SMARCA4: variants seen among roughly 807,000 people sequenced by gnomAD.
SMARCA4 encodes the protein SWI/SNF related BAF chromatin remodeling complex subunit ATPase 4.
SMARCA4 carries 31 observed loss-of-function variants against 193.9 expected under a neutral mutation model. That is an observed-to-expected ratio of 0.16 (90% confidence interval 0.12 to 0.22). The LOEUF is 0.22. SMARCA4 is among the 10% of genes least tolerant of loss of function. The pLI is 1.00. For synonymous variants in SMARCA4, 942 were observed against 933.1 expected (o/e 1.01, Z -0.17); for missense variants, 1,148 against 2,296.0 (o/e 0.50, Z 10.22).
chr19:11,011,077 G>C (rs2088792815), intron 15 of SMARCA4: 2 of 209,392 alleles, frequency 9.6e-6, no homozygotes, highest in South Asian at 1.7e-4. Context: ...CTCTTCACCT[G>C]GGCCTGACTT....
At position 10,984,422 on chromosome 19, in the gene SMARCA4, G is replaced by T. The variant is rs2145729310; in HGVS notation, c.222+49G>T. 1 of 1,550,918 alleles carries T rather than the reference G, an allele frequency of 6.4e-7. No individual in the cohort carries two copies. The highest frequency in any genetic ancestry group is 1.4e-5 in the African/African-American group (1 of 73,214). ...GCACCTGCGGCCTCTGCCCACTAGG[G>T]CTGCAGGCAGCCTCTGGACCGAGGG... On this transcript the variant is annotated intron_variant, in intron 2 of 34. Coordinates refer to ENST00000344626, the MANE Select transcript of SMARCA4 (RefSeq NM_003072.5). This position sits in a 1 kb window ranked among gnomAD's most constrained non-coding sequence, Gnocchi z 4.3.
At position 10,999,047 on chromosome 19, in the gene SMARCA4, C is replaced by T. The variant is rs530342896; in HGVS notation, c.1812+2503C>T. ...CCTCCTGAGTACCTGGGGCTACAGGCGCACGCCACCATGCTTGGTTAAGTG... is the reference window on the plus strand; with the variant it reads ...CCTCCTGAGTACCTGGGGCTACAGGTGCACGCCACCATGCTTGGTTAAGTG... On this transcript the variant is annotated intron_variant, in intron 11 of 34. Transcript: ENST00000344626. Among the ~76,000 whole-genome samples, 360 of 152,030 alleles carry T rather than the reference C, an allele frequency of 2.4e-3. 2 individuals are homozygous for T. The highest frequency in any genetic ancestry group is 8.1e-3 in the African/African-American group (335 of 41,464).
At chr19:11,025,384 G>T in intron 21 of SMARCA4, 38 bp from the exon 22 acceptor site, 1 of 1,478,980 alleles carries the variant, frequency 6.8e-7, no homozygotes. Flanking sequence ...CCCCAGGAGG[G>T]CAAGACCCCA....
At chr19:11,001,976 A>G (rs1305609407) in intron 11 of SMARCA4, among the ~76,000 whole-genome samples, 1 of 152,232 alleles carries the variant, frequency 6.6e-6, no homozygotes, top group Non-Finnish European at 1.5e-5. Flanking sequence ...ACCCTTGATG[A>G]GATCTACAAA....
intron 21 of SMARCA4, 52 bp downstream of exon 21, chr19:11,024,490 C>CAGCGTGGCAGGCAGAGCAG: frequency 2.5e-6 from 3 of 1,179,112 alleles, no homozygotes; most frequent in Non-Finnish European, 3.8e-6. Context: ...CCAAGGCCGG[C>CAGCGTGGCAGGCAGAGCAG]AGCGTGGCAG....
Position 10,989,229 on chromosome 19 carries a change from C to G in SMARCA4, c.1119-88C>G. 5.8e-6 allele frequency: 9 copies of G among 1,540,906 alleles called. 1 individual carries two copies. The highest frequency in any genetic ancestry group is 1.8e-4 in the Middle Eastern group (1 of 5,532). On this transcript the variant is annotated intron_variant, in intron 6 of 34. Coordinates refer to ENST00000344626, the MANE Select transcript of SMARCA4 (RefSeq NM_003072.5). ...TGCCTCATGACTAGTGCCTGCCTCT[C>G]TCGAGGGATGGGTCCCCTGCAGCTC... is the stretch of plus-strand genomic sequence containing the variant.
intron 29 of SMARCA4, chr19:11,039,811 G>A (rs1055066044): frequency 2.6e-5 from 7 of 264,374 alleles, no homozygotes; most frequent in Non-Finnish European, 4.9e-5. Flanking sequence ...GGCTGGGCGC[G>A]GTGGCTCACG....
intron 23 of SMARCA4, among the ~76,000 whole-genome samples, chr19:11,027,538 T>C (rs2090349833): frequency 6.6e-6 from 1 of 152,138 alleles, no homozygotes; most frequent in African/African-American, 2.4e-5. Context: ...AGTGTCTGGG[T>C]TTGACGAGAA....
chr19:10,965,595 G>A (rs757896140), intron 1 of SMARCA4, among the ~76,000 whole-genome samples: 3 of 152,210 alleles, frequency 2.0e-5, no homozygotes, highest in Admixed American at 6.5e-5. Flanking sequence ...TTTTGTGGTT[G>A]CGTGAAGATG....
Position 11,009,007 on chromosome 19 carries a change from C to CTTTTTTTTTTTT in SMARCA4, c.2123+1007_2123+1018dup, listed in dbSNP as rs762148337. ...AAAAAATGTAGGTGGATAAAAGTCA[C>CTTTTTTTTTTTT]TTTTTTTTTTTTTTTTTTTTTTTTT... is the stretch of plus-strand genomic sequence containing the variant. On this transcript the variant is annotated intron_variant, in intron 14 of 34. Coordinates refer to ENST00000344626, the MANE Select transcript of SMARCA4 (RefSeq NM_003072.5). Among the ~76,000 whole-genome samples the CTTTTTTTTTTTT allele has an allele frequency of 1.5e-3, 61 of 40,958 alleles. 8 individuals are homozygous for CTTTTTTTTTTTT. The highest frequency in any genetic ancestry group is 1.8e-3 in the East Asian group (2 of 1,098). 26.9% of individuals were successfully genotyped at this position (40,958 alleles called of 152,430 possible).
intron 8 of SMARCA4, among the ~76,000 whole-genome samples, chr19:10,994,399 C>G (rs1438450790): frequency 6.7e-6 from 1 of 149,468 alleles, no homozygotes; most frequent in Non-Finnish European, 1.5e-5. Context: ...TCTCGGCTCA[C>G]TGCAAGCTCC....
chr19:10,999,167 A>G (rs1481033753), intron 11 of SMARCA4, among the ~76,000 whole-genome samples: 1 of 151,910 alleles, frequency 6.6e-6, no homozygotes, highest in Non-Finnish European at 1.5e-5. Context: ...TGGCCTCCCA[A>G]AGTGCTAGGA....
chr19:11,043,229 C>G (rs749200602), intron 30 of SMARCA4, among the ~76,000 whole-genome samples: 4 of 152,084 alleles, frequency 2.6e-5, no homozygotes, highest in Non-Finnish European at 4.4e-5. Context: ...GCGGAGGTTG[C>G]AGTGACCCAA....
intron 1 of SMARCA4, among the ~76,000 whole-genome samples, chr19:10,978,417 T>C (rs2085306393): frequency 6.6e-6 from 1 of 152,114 alleles, no homozygotes; most frequent in African/African-American, 2.4e-5. Context: ...CACTGCAACT[T>C]CCACCTACCG....
At chr19:10,978,780 A>T (rs547215258) in intron 1 of SMARCA4, among the ~76,000 whole-genome samples, 114 of 148,226 alleles carry the variant, frequency 7.7e-4, no homozygotes, top group East Asian at 2.4e-3. Context: ...AAATACAAAA[A>T]ATATATATAT....
At chr19:11,053,970 A>G (rs1215514439) in intron 30 of SMARCA4, among the ~76,000 whole-genome samples, 1 of 152,224 alleles carries the variant, frequency 6.6e-6, no homozygotes, top group Non-Finnish European at 1.5e-5. Context: ...GCAGTAGTGC[A>G]TCCAGCAAAG....
intron 1 of SMARCA4, among the ~76,000 whole-genome samples, chr19:10,979,885 T>C (rs1300201254): frequency 6.6e-6 from 1 of 152,092 alleles, no homozygotes; most frequent in African/African-American, 2.4e-5. Context: ...TCAGGAGGGA[T>C]GTCTGACGCA....
rs59110870 is a variant in SMARCA4, at chr19:11,057,950, A to G, written c.4425-305A>G. On this transcript the variant is annotated intron_variant, in intron 30 of 34. Transcript: ENST00000344626. ...AAACCCTGTCTCTACTAAAAATACA[A>G]AATTAGCCTGGCATGGTGGTGCACG... 0.094 allele frequency among the ~76,000 whole-genome samples: 14,299 copies of G among 151,686 alleles called. 1,234 individuals carry two copies. Among genetic ancestry groups the G allele is most frequent in the African/African-American group, 0.23 (9,678 of 41,266 alleles).
intron 14 of SMARCA4, among the ~76,000 whole-genome samples, chr19:11,009,207 A>T (rs1249057795): frequency 6.6e-6 from 1 of 151,238 alleles, no homozygotes; most frequent in African/African-American, 2.4e-5. Flanking sequence ...TTTTTAGTAG[A>T]GATGGGGTTT....
Sources: gnomAD v4.1 joint callset for allele counts (sites outside exome capture counted in the v4.1 genomes callset) on GRCh38, gnomAD v4.1.1 for gene constraint, Gnocchi (gnomAD v3.1) non-coding constraint, MANE v1.5 for transcripts, NCBI Gene and HGNC (gene_info 2026-07-23, HGNC 2026-07-21) for gene names.